ALLC: variants seen among roughly 807,000 people sequenced by gnomAD.
ALLC encodes allantoicase.
ALLC carries 40 observed loss-of-function variants against 45.0 expected under a neutral mutation model. The observed-to-expected ratio is 0.89, with a 90% CI of 0.69 to 1.16. The LOEUF is 1.16. Among genes scored for constraint, ALLC ranks in the 50% most tolerant of loss-of-function variants. ALLC has a pLI of 0.00. For synonymous variants in ALLC, 176 were observed against 178.1 expected, an observed-to-expected ratio of 0.99 and a Z score of 0.09; for missense variants, 488 against 493.1, an observed-to-expected ratio of 0.99 and a Z score of 0.10.
At chr2:3,699,822 C>T (rs536750115) in intron 10 of ALLC, among the ~76,000 whole-genome samples, 1 of 152,136 alleles carries the variant, frequency 6.6e-6, no homozygotes, top group South Asian at 2.1e-4. Context: ...TTGTTTATGT[C>T]CTTGGCCAAC....
chr2:3,662,376 C>T (rs919060374), intron 1 of ALLC, among the ~76,000 whole-genome samples: 5 of 152,162 alleles, frequency 3.3e-5, no homozygotes, highest in African/African-American at 1.2e-4. Flanking sequence ...ACTCCAAGGC[C>T]CCGCAGGCAG....
upstream of ALLC, among the ~76,000 whole-genome samples, chr2:3,654,194 T>C (rs1572497612): frequency 6.6e-6 from 1 of 152,324 alleles, no homozygotes; most frequent in Middle Eastern, 3.4e-3. Context: ...TGCATGACCC[T>C]ATGACAAGGC....
At chr2:3,651,917 C>T in the ALLC span, among the ~76,000 whole-genome samples, 42 of 152,216 alleles carry the variant, frequency 2.8e-4, 1 homozygote, top group African/African-American at 8.4e-4. Context: ...CCGTGCCCTT[C>T]GCTTCCCCTG....
chr2:3,668,795 C>T (rs1326536357), intron 1 of ALLC, among the ~76,000 whole-genome samples: 6 of 151,074 alleles, frequency 4.0e-5, no homozygotes, highest in East Asian at 2.0e-4. Context: ...AGGGTGGTCT[C>T]GAACTCCTGA....
At chr2:3,662,896 G>A (rs1312288087) in intron 1 of ALLC, among the ~76,000 whole-genome samples, 4 of 152,208 alleles carry the variant, frequency 2.6e-5, no homozygotes, top group African/African-American at 9.7e-5. Context: ...CCTGCAAAGT[G>A]TTTATTACTG....
At chr2:3,675,583 C>CATATAT (rs112480558) in intron 3 of ALLC, among the ~76,000 whole-genome samples, 3 of 150,692 alleles carry the variant, frequency 2.0e-5, no homozygotes, top group African/African-American at 7.3e-5. Context: ...TATACTTGAG[C>CATATAT]ATATATATAT....
intron 10 of ALLC, among the ~76,000 whole-genome samples, chr2:3,700,301 G>A (rs569772990): frequency 5.3e-5 from 8 of 152,150 alleles, no homozygotes; most frequent in African/African-American, 1.9e-4. Context: ...TTTTAGATCT[G>A]GTTATGTGGC....
chr2:3,676,294 G>A (rs558801772), intron 3 of ALLC, among the ~76,000 whole-genome samples: 1 of 152,118 alleles, frequency 6.6e-6, no homozygotes, highest in South Asian at 2.1e-4. Flanking sequence ...TTTGGTGGGG[G>A]TGGGGCAGGA....
rs752153940 is a variant in ALLC at position 3,679,998 on chromosome 2, C to A, written c.298+4C>A. 1 of 1,613,668 alleles carries A rather than the reference C, an allele frequency of 6.2e-7. No individual in the cohort carries two copies. The highest frequency in any genetic ancestry group is 1.1e-5 in the South Asian group (1 of 91,068). On this transcript the variant is annotated splice_donor_region_variant and intron_variant, in intron 5 of 11. Coordinates refer to ENST00000252505, the MANE Select transcript of ALLC (RefSeq NM_018436.4). ...CAAGCAGCAAACTTGGAAGAAGGTG[C>A]GTTAGGAACCACTGTCCCCAAAATG...
At chr2:3,655,166 G>T (rs925877398), upstream of ALLC, among the ~76,000 whole-genome samples, 1 of 152,256 alleles carries the variant, frequency 6.6e-6, no homozygotes, top group Non-Finnish European at 1.5e-5. Context: ...CTCCTTCAGG[G>T]CAATAAAGGA....
rs554830622 is a variant in ALLC, at chr2:3,680,718, G to A, written c.298+724G>A. On this transcript the variant is annotated intron_variant, in intron 5 of 11. Transcript: ENST00000252505. The surrounding 1 kb of genome is among the most constrained non-coding windows in gnomAD (Gnocchi z 4.0). ...CACATGCTGTAGGGAAAGGGTCTGCGTGCTCCAGCGGGACAACTGAAGGCA... is the reference window on the plus strand; with the variant it reads ...CACATGCTGTAGGGAAAGGGTCTGCATGCTCCAGCGGGACAACTGAAGGCA... Among the ~76,000 whole-genome samples the A allele has an allele frequency of 3.3e-4, 50 of 152,092 alleles. No homozygotes were observed. Among genetic ancestry groups the A allele is most frequent in the African/African-American group, 1.1e-3 (47 of 41,508 alleles).
chr2:3,656,517 C>T (rs1478952344), upstream of ALLC, among the ~76,000 whole-genome samples: 1 of 152,264 alleles, frequency 6.6e-6, no homozygotes, highest in Non-Finnish European at 1.5e-5. Flanking sequence ...AAACTTTTAA[C>T]TTCACTAAAT....
At chr2:3,661,384 A>G (rs1407256586) in intron 1 of ALLC, among the ~76,000 whole-genome samples, 2 of 152,226 alleles carry the variant, frequency 1.3e-5, no homozygotes, top group African/African-American at 2.4e-5. Flanking sequence ...GCAGGGGTTC[A>G]GGGAAGGCTT....
rs569993961 is a variant in ALLC, at chr2:3,695,583, AT to A, written c.512-131del. ...GGCCCTGGGGCAGTGGGCTTGTTGT[AT>A]TTGAGAAACAGCAGGTGGGTGTGGC... is the stretch of plus-strand genomic sequence containing the variant. On this transcript the variant is annotated intron_variant, in intron 7 of 11. Coordinates refer to ENST00000252505, the MANE Select transcript of ALLC (RefSeq NM_018436.4). 3.1e-3 allele frequency: 2,909 copies of A among 937,144 alleles called. 13 individuals carry two copies. Among genetic ancestry groups the A allele is most frequent in the Non-Finnish European group, 3.2e-3 (1,942 of 610,544 alleles). 58.1% of individuals were successfully genotyped at this position (937,144 alleles called of 1,614,324 possible).
At chr2:3,672,304 TC>T (rs1666902886) in intron 2 of ALLC, among the ~76,000 whole-genome samples, 2 of 113,592 alleles carry the variant, frequency 1.8e-5, no homozygotes, top group South Asian at 2.9e-4. Context: ...TCTGGTTAGA[TC>T]GGAAGTCCTC....
chr2:3,652,531 G>A, the ALLC span, among the ~76,000 whole-genome samples: 5 of 150,460 alleles, frequency 3.3e-5, no homozygotes, highest in Admixed American at 1.3e-4. Context: ...CCCAAACAGC[G>A]TATATCAGTT....
At chr2:3,672,194 A>G (rs147526136) in intron 2 of ALLC, among the ~76,000 whole-genome samples, 4,419 of 54,576 alleles carry the variant, frequency 0.081, 465 homozygotes, top group East Asian at 0.1. Context: ...CCAGGCTCTG[A>G]TTAGATGGGA....
chr2:3,686,105 A>G (rs1208079098), intron 7 of ALLC, among the ~76,000 whole-genome samples: 1 of 150,990 alleles, frequency 6.6e-6, no homozygotes, highest in African/African-American at 2.4e-5. Flanking sequence ...GAATGTTCAT[A>G]GTTTTAGGTC....
intron 2 of ALLC, among the ~76,000 whole-genome samples, chr2:3,672,825 A>G (rs921985708): frequency 1.3e-5 from 2 of 152,202 alleles, no homozygotes; most frequent in Non-Finnish European, 2.9e-5. Context: ...CTAGTGTGTA[A>G]TGAGGGTCAC....
Sources: allele counts gnomAD v4.1 joint callset (sites outside exome capture counted in the v4.1 genomes callset), GRCh38; gene constraint gnomAD v4.1.1; non-coding constraint Gnocchi (gnomAD v3.1); transcripts MANE v1.5; gene names NCBI Gene and HGNC (gene_info 2026-07-23, HGNC 2026-07-21).